The following HOATZ variants were observed in gnomAD, a reference collection of about 807,000 sequenced individuals.
HOATZ encodes the protein cilia- and flagella-associated protein HOATZ.
A neutral mutation model predicts 24.9 loss-of-function variants in HOATZ; 26 were observed. The observed-to-expected ratio is 1.04, with a 90% CI of 0.76 to 1.45. The LOEUF (loss-of-function observed/expected upper bound fraction) is 1.45, where lower values mean the gene tolerates loss of function less well. HOATZ is among the 40% of genes most tolerant of loss of function. The pLI is 0.00. For missense variants in HOATZ, 226 were observed against 201.5 expected (o/e 1.12, Z -0.74); for synonymous variants, 83 against 76.6 (o/e 1.08, Z -0.43).
At chr11:111,523,794 C>T (rs934257267) in intron 3 of HOATZ, among the ~76,000 whole-genome samples, 1 of 152,220 alleles carries the variant, frequency 6.6e-6, no homozygotes, top group Non-Finnish European at 1.5e-5. Context: ...TCCCATTTAG[C>T]TAATAACTAC....
chr11:111,534,445 G>C lies in HOATZ; in HGVS notation c.433G>C (p.Ala145Pro), dbSNP rs201561292. The C allele has an allele frequency of 1.8e-4, 286 of 1,611,650 alleles. No homozygotes were observed. The highest frequency in any genetic ancestry group is 1.5e-4 in the Non-Finnish European group (182 of 1,178,018). Residue 145 changes from alanine to proline, a missense_variant, in exon 5 of 6, where the codon GCC becomes CCC. Coordinates refer to ENST00000375618, the MANE Select transcript of HOATZ (RefSeq NM_001100388.2). ...GATTTCCCTTCCGTATAAACCAAAA[G>C]CCAAAGAACACAAAGCAAAGTAAGT... ...ELISLPYKPK[A>P]KEHKAKKVVS...
chr11:111,533,697 A>T (rs760372381), intron 3 of HOATZ, 49 bp from the exon 4 acceptor site: 2 of 1,279,110 alleles, frequency 1.6e-6, no homozygotes, highest in Non-Finnish European at 2.2e-6. Flanking sequence ...CGTAGGCGTA[A>T]GTCTTTATTA....
At chr11:111,516,839 C>T (rs2135772474) in intron 3 of HOATZ, among the ~76,000 whole-genome samples, 1 of 152,326 alleles carries the variant, frequency 6.6e-6, no homozygotes, top group South Asian at 2.1e-4. Flanking sequence ...TGGAATTAAA[C>T]ACATTGGTGT....
At chr11:111,535,237 T>C (rs552515604) in intron 5 of HOATZ, 2 of 152,146 alleles carry the variant, frequency 1.3e-5, no homozygotes, top group East Asian at 3.9e-4. Context: ...TGTAAACTTC[T>C]GGAAAAAAAA....
intron 3 of HOATZ, among the ~76,000 whole-genome samples, chr11:111,523,443 C>T (rs1867294541): frequency 6.6e-6 from 1 of 152,082 alleles, no homozygotes; most frequent in African/African-American, 2.4e-5. Context: ...ATGTATTGTT[C>T]TATTGATGAA....
In HOATZ at chr11:111,516,110, G is replaced by T; in HGVS notation, c.339G>T (p.Lys113Asn). 5 of 1,569,128 alleles carry T rather than the reference G, an allele frequency of 3.2e-6. No individual in the cohort carries two copies. The South Asian group carries it at 4.8e-5, about 15-fold the overall frequency. Residue 113 changes from lysine to asparagine, a missense_variant and splice_region_variant, in exon 3 of 6, where the codon AAG becomes AAT. Transcript: ENST00000375618. ...AGGAGAAAGTAAAGTATCTCCAAAAGGTAGGCCAATATTTCAGAAGGTCAT... is the reference window on the plus strand; with the variant it reads ...AGGAGAAAGTAAAGTATCTCCAAAATGTAGGCCAATATTTCAGAAGGTCAT... Reference protein sequence around the residue: ...ESEEKVKYLQKAKTREEILQL... With the variant: ...ESEEKVKYLQNAKTREEILQL...
At chr11:111,524,589 A>C (rs1867312325) in intron 3 of HOATZ, among the ~76,000 whole-genome samples, 1 of 152,224 alleles carries the variant, frequency 6.6e-6, no homozygotes, top group Non-Finnish European at 1.5e-5. Context: ...TTGGCCAAAA[A>C]AAGAAGGAAA....
chr11:111,515,436 G>A, intron 1 of HOATZ, 75 bp from the exon 2 acceptor site: 10 of 1,170,068 alleles, frequency 8.5e-6, no homozygotes, highest in Non-Finnish European at 1.3e-5. Context: ...AATTGTTATA[G>A]TATAAAAAAT....
At chr11:111,528,790 A>C (rs1843352247) in intron 3 of HOATZ, among the ~76,000 whole-genome samples, 1 of 152,178 alleles carries the variant, frequency 6.6e-6, no homozygotes, top group South Asian at 2.1e-4. Flanking sequence ...GATTGAATGA[A>C]GAAACCATTC....
At chr11:111,518,931 A>G (rs954893691) in intron 3 of HOATZ, 4 of 436,340 alleles carry the variant, frequency 9.2e-6, no homozygotes, top group South Asian at 5.0e-5. Context: ...GGCAAGCCAC[A>G]TATCCTTTCT....
intron 5 of HOATZ, chr11:111,535,584 T>G (rs796460397): frequency 3.9e-5 from 6 of 152,352 alleles, no homozygotes; most frequent in African/African-American, 1.4e-4. Context: ...AAACTAACTT[T>G]GTCCTACATC....
chr11:111,516,766 A>G lies in HOATZ; in HGVS notation c.339+656A>G, dbSNP rs961411044. Among the ~76,000 whole-genome samples, 50 of 152,314 alleles carry G rather than the reference A, an allele frequency of 3.3e-4. No individual in the cohort carries two copies. In the East Asian group the frequency reaches 3.7e-3, roughly 11 times the overall value. On this transcript the variant is annotated intron_variant, in intron 3 of 5. Coordinates refer to ENST00000375618, the MANE Select transcript of HOATZ (RefSeq NM_001100388.2). ...AAATCAAATAGAATTAATTGTCTTA[A>G]TAGGTCAAAATTAAATGATCAGAGG...
intron 2 of HOATZ, 116 bp downstream of exon 2, chr11:111,515,668 T>TA: frequency 1.1e-6 from 1 of 870,278 alleles, no homozygotes; most frequent in Non-Finnish European, 1.9e-6. Flanking sequence ...ATTGAACACC[T>TA]AAGTCCCTGC....
intron 3 of HOATZ, among the ~76,000 whole-genome samples, chr11:111,528,159 C>CAA (rs61382111): frequency 0.81 from 118,814 of 147,310 alleles, 50,921 homozygotes; most frequent in East Asian, 0.97. Context: ...TCATCTCTAC[C>CAA]AAAAAAAAAA....
In HOATZ at chr11:111,534,795, T is replaced by C. The variant is rs1867433075; in HGVS notation, c.452+331T>C. On this transcript the variant is annotated intron_variant, in intron 5 of 5. Transcript: ENST00000375618. ...GCCCTCCTGACTCCACTGTCCCCTATCCACACCTGGCCCACTTCTTTAGTG... is the reference window on the plus strand; with the variant it reads ...GCCCTCCTGACTCCACTGTCCCCTACCCACACCTGGCCCACTTCTTTAGTG... 2 of 228,102 alleles carry C rather than the reference T, an allele frequency of 8.8e-6. 1 individual carries two copies. The highest frequency in any genetic ancestry group is 2.0e-4 in the East Asian group (2 of 10,066). 14.1% of individuals were successfully genotyped at this position (228,102 alleles called of 1,614,324 possible).
intron 3 of HOATZ, among the ~76,000 whole-genome samples, chr11:111,526,124 G>A (rs559666071): frequency 1.3e-5 from 2 of 151,228 alleles, no homozygotes; most frequent in Non-Finnish European, 1.5e-5. Flanking sequence ...TCCAGGCAGC[G>A]AAAACAGCAT....
chr11:111,515,843 C>T (rs1166426174), intron 2 of HOATZ, among the ~76,000 whole-genome samples, 197 bp from the exon 3 acceptor site: 1 of 152,190 alleles, frequency 6.6e-6, no homozygotes, highest in Admixed American at 6.5e-5. Flanking sequence ...ATTAGAGGTT[C>T]CCTGCAGCCA....
At chr11:111,534,239 C>A (rs1416907604) in intron 4 of HOATZ, among the ~76,000 whole-genome samples, 173 bp from the exon 5 acceptor site, 1 of 152,158 alleles carries the variant, frequency 6.6e-6, no homozygotes, top group Non-Finnish European at 1.5e-5. Context: ...GAATAAACCC[C>A]AAACTCTCTA....
At chr11:111,518,648 T>A (rs577034431) in intron 3 of HOATZ, among the ~76,000 whole-genome samples, 1 of 152,340 alleles carries the variant, frequency 6.6e-6, no homozygotes, top group African/African-American at 2.4e-5. Context: ...ATTTGTTGTA[T>A]CATAATGATT....
Sources: gnomAD v4.1 joint callset for allele counts (sites outside exome capture counted in the v4.1 genomes callset) on GRCh38, gnomAD v4.1.1 for gene constraint, MANE v1.5 for transcripts, NCBI Gene and HGNC (gene_info 2026-07-23, HGNC 2026-07-21) for gene names.